NHP2: variants seen among roughly 807,000 people sequenced by gnomAD.
NHP2 encodes the protein H/ACA ribonucleoprotein complex subunit 2.
NHP2 carries 10 observed loss-of-function variants against 16.7 expected under a neutral mutation model. The observed-to-expected ratio is 0.60, with a 90% CI of 0.37 to 1.01. The LOEUF is 1.01. Among genes scored for constraint, NHP2 ranks in the 50% least tolerant of loss-of-function variants. NHP2 has a pLI of 0.01. For synonymous variants in NHP2, 87 were observed against 78.9 expected (o/e 1.10, Z -0.54); for missense variants, 184 against 198.3 (o/e 0.93, Z 0.43).
intron 3 of NHP2, 137 bp downstream of exon 3, chr5:178,150,751 G>A: frequency 2.6e-6 from 2 of 777,660 alleles, no homozygotes; most frequent in South Asian, 2.7e-5. Flanking sequence ...CCAAAACTAA[G>A]AAGATGTGGA....
Position 178,153,560 on chromosome 5 carries a change from G to T in NHP2, c.161C>A (p.Ala54Glu). 1.2e-6 allele frequency: 2 copies of T among 1,614,124 alleles called. No homozygotes were observed. The highest frequency in any genetic ancestry group is 1.7e-6 in the Non-Finnish European group (2 of 1,180,006). Residue 54 changes from alanine (A) to glutamate (E), a missense_variant and splice_region_variant, in exon 2 of 4, where the codon GCG (alanine) becomes GAG (glutamate). Physicochemically the swap from Ala to Glu is moderately radical, Grantham distance 107. Transcript: ENST00000274606. ...TRKLYKCIKKAVKQKQIRRGV... is the reference protein window; with the variant it reads ...TRKLYKCIKKEVKQKQIRRGV... The stretch of plus-strand genomic sequence containing the variant: ...GCGCCGAATCTGCTTCTGCTTCACC[G>T]CTGCAACGACAGAAGAGTCGGTCGG...
chr5:178,153,793 C>T lies in NHP2; in HGVS notation c.25G>A (p.Asp9Asn), dbSNP rs769331750. ...GCCTCCGCCTGAGCCTCGGGCCCGT[C>T]GGGATCTGCCTTTATTTTGGTCATC... MTKIKADP[D>N]GPEAQAEACS... Residue 9 changes from aspartate to asparagine, a missense_variant, in exon 1 of 4, where the codon GAC (aspartate) becomes AAC (asparagine). Physicochemically the swap from Asp to Asn is conservative, Grantham distance 23 (BLOSUM62 1). Transcript: ENST00000274606. 7.4e-6 allele frequency: 12 copies of T among 1,611,322 alleles called. No individual in the cohort carries two copies. Among genetic ancestry groups the T allele is most frequent in the Non-Finnish European group, 1.0e-5 (12 of 1,178,920 alleles).
At position 178,153,491 on chromosome 5, in the gene NHP2, C is replaced by T. The variant is rs1316345803; in HGVS notation, c.230G>A (p.Gly77Glu). ...VQKFVNKGEK[G>E]IMVLAGDTLP... ...AATCCAGAGGAAGGAAGGTTCTTACCCTTTTTCTCCTTTGTTGACAAATTT... is the reference window on the plus strand; with the variant it reads ...AATCCAGAGGAAGGAAGGTTCTTACTCTTTTTCTCCTTTGTTGACAAATTT... Residue 77 changes from glycine to glutamate, a missense_variant and splice_region_variant, in exon 2 of 4, where the codon GGG becomes GAG. Coordinates refer to ENST00000274606, the MANE Select transcript of NHP2 (RefSeq NM_017838.4). The T allele has an allele frequency of 1.2e-6, 2 of 1,614,096 alleles. No homozygotes were observed. Among genetic ancestry groups the T allele is most frequent in the South Asian group, 2.2e-5 (2 of 91,070 alleles).
At chr5:178,151,101 G>T in intron 2 of NHP2, 108 bp from the exon 3 acceptor site, 1 of 911,212 alleles carries the variant, frequency 1.1e-6, no homozygotes, top group Non-Finnish European at 1.8e-6. Context: ...TGTGTTTGGT[G>T]AGCACACTAT....
chr5:178,150,751 G>C (rs910343867), intron 3 of NHP2, 137 bp downstream of exon 3: 1 of 777,660 alleles, frequency 1.3e-6, no homozygotes, highest in Non-Finnish European at 2.4e-6. Context: ...CCAAAACTAA[G>C]AAGATGTGGA....
In NHP2 at chr5:178,153,652, C is replaced by A. The variant is rs529634242; in HGVS notation, c.160+6G>T. ...CCCATCCCGGCCACGCCGCCGTCCG[C>A]CTCACCTTTCTTGATGCATTTGTAG... On this transcript the variant is annotated splice_donor_region_variant and intron_variant, in intron 1 of 3. Coordinates refer to ENST00000274606, the MANE Select transcript of NHP2 (RefSeq NM_017838.4). The A allele has an allele frequency of 5.6e-6, 9 of 1,613,434 alleles. No individual in the cohort carries two copies. The highest frequency in any genetic ancestry group is 1.7e-5 in the Admixed American group (1 of 59,950).
In NHP2 at chr5:178,150,327, TC is replaced by T. The variant is rs367803012; in HGVS notation, c.337-490del. The T allele has an allele frequency of 6.7e-4, 158 of 235,030 alleles. No individual in the cohort carries two copies. In the East Asian group the frequency reaches 0.012, roughly 17 times the overall value. The allele number at this position is 235,030 out of a possible 1,614,324, so 14.6% of individuals were successfully genotyped here. A position where few individuals can be genotyped will look rare whatever the true frequency, so the allele number is the denominator to read the frequency against. ...CGGTAAGTTCCTTCAGAACAGGGCC[TC>T]CTGCTTTATCCCAAGAAGTGATACT... On this transcript the variant is annotated intron_variant, in intron 3 of 3. Transcript: ENST00000274606.
chr5:178,150,625 C>T (rs1230309258), intron 3 of NHP2: 1 of 634,502 alleles, frequency 1.6e-6, no homozygotes. Context: ...TCAACTGATC[C>T]TCCTGTCTTG....
In NHP2 at chr5:178,153,646, C is replaced by CGTCCGCCTCACCTTT; in HGVS notation, c.157_160+11dup. 1 of 1,613,826 alleles carries CGTCCGCCTCACCTTT rather than the reference C, an allele frequency of 6.2e-7. No individual in the cohort carries two copies. The highest frequency in any genetic ancestry group is 8.5e-7 in the Non-Finnish European group (1 of 1,179,812). On this transcript the variant is annotated intron_variant, in intron 1 of 3. Transcript: ENST00000274606. ...CGCGCACCCATCCCGGCCACGCCGC[C>CGTCCGCCTCACCTTT]GTCCGCCTCACCTTTCTTGATGCAT...
intron 2 of NHP2, among the ~76,000 whole-genome samples, chr5:178,151,328 G>A (rs374446741): frequency 1.8e-4 from 28 of 152,162 alleles, no homozygotes; most frequent in African/African-American, 6.3e-4. Flanking sequence ...GGGAGAGCAT[G>A]TGGTGTGAGA....
Position 178,150,898 on chromosome 5 carries a change from G to A in NHP2, c.326C>T (p.Pro109Leu), listed in dbSNP as rs771358605. Reference sequence around the variant, plus strand: ...CCACGTGCTCCTTACCGTCTTAGAGGGGATATAGACATAGGGCAAATTTCG... The same window carrying A: ...CCACGTGCTCCTTACCGTCTTAGAGAGGATATAGACATAGGGCAAATTTCG... ...EDRNLPYVYIPSKTDLGAAAG... is the reference protein window; with the variant it reads ...EDRNLPYVYILSKTDLGAAAG... The change falls in exon 3 of 4, where the codon CCC (proline) becomes CTC (leucine). Residue 109 changes from proline (P) to leucine (L), a missense_variant. Pro to Leu is a moderately conservative substitution (Grantham distance 98). Transcript: ENST00000274606. 1 of 1,611,118 alleles carries A rather than the reference G, an allele frequency of 6.2e-7. No homozygotes were observed. The highest frequency in any genetic ancestry group is 8.5e-7 in the Non-Finnish European group (1 of 1,177,282).
chr5:178,152,136 T>C (rs1756293251), intron 2 of NHP2, among the ~76,000 whole-genome samples: 1 of 152,160 alleles, frequency 6.6e-6, no homozygotes, highest in African/African-American at 2.4e-5. Context: ...ACCTGAACTT[T>C]CCCAAACCTA....
chr5:178,151,407 A>T (rs1206217534), intron 2 of NHP2, among the ~76,000 whole-genome samples: 2 of 152,174 alleles, frequency 1.3e-5, no homozygotes, highest in Admixed American at 1.3e-4. Flanking sequence ...GTACCAGGCT[A>T]AGAAGCATGG....
rs754622292 is a variant in NHP2 at position 178,153,479 on chromosome 5, G to A, written c.230+12C>T. On this transcript the variant is annotated intron_variant, in intron 2 of 3. Coordinates refer to ENST00000274606, the MANE Select transcript of NHP2 (RefSeq NM_017838.4). ...TTAGAAATGCAAAATCCAGAGGAAG[G>A]AAGGTTCTTACCCTTTTTCTCCTTT... The A allele has an allele frequency of 1.6e-5, 26 of 1,613,806 alleles. No homozygotes were observed. Among genetic ancestry groups the A allele is most frequent in the South Asian group, 2.2e-5 (2 of 91,062 alleles).
chr5:178,153,278 A>G (rs1756319915), intron 2 of NHP2: 2 of 642,174 alleles, frequency 3.1e-6, no homozygotes, highest in South Asian at 1.8e-5. Flanking sequence ...TGCTTACACA[A>G]TTCGCTTCAC....
intron 2 of NHP2, among the ~76,000 whole-genome samples, chr5:178,151,543 T>C (rs1756277534): frequency 6.6e-6 from 1 of 152,160 alleles, no homozygotes; most frequent in South Asian, 2.1e-4. Context: ...GAAGGAAAAG[T>C]CTGCTCTCCC....
Position 178,150,904 on chromosome 5 carries a change from T to TA in NHP2, c.319dup (p.Tyr107LeufsTer5), listed in dbSNP as rs1299133481. The TA allele has an allele frequency of 3.1e-6, 5 of 1,613,254 alleles. No homozygotes were observed. The Admixed American group carries it at 6.7e-5, about 22-fold the overall frequency. On this transcript the variant is annotated frameshift_variant, in exon 3 of 4. Transcript: ENST00000274606. LOFTEE classifies it high-confidence loss of function. The stretch of plus-strand genomic sequence containing the variant: ...GCTCCTTACCGTCTTAGAGGGGATA[T>TA]AGACATAGGGCAAATTTCGGTCCTC...
At position 178,149,863 on chromosome 5, in the gene NHP2, T is replaced by C. The variant is rs547248309; in HGVS notation, c.337-25A>G. 6 of 1,611,612 alleles carry C rather than the reference T, an allele frequency of 3.7e-6. No individual in the cohort carries two copies. In the East Asian group the frequency reaches 1.1e-4, roughly 30 times the overall value. ...CCTACAGAGGGGAAAGAAGTGCTGTTTGGAAAAAAGCTGTACAACCTGTAT... is the reference window on the plus strand; with the variant it reads ...CCTACAGAGGGGAAAGAAGTGCTGTCTGGAAAAAAGCTGTACAACCTGTAT... On this transcript the variant is annotated intron_variant, in intron 3 of 3. Transcript: ENST00000274606.
rs1383213989 is a variant in NHP2, at chr5:178,149,810, C to T, written c.365G>A (p.Arg122His). The change falls in exon 4 of 4, where the codon CGC becomes CAC. Residue 122 changes from arginine to histidine, a missense_variant. By Grantham distance (29) the Arg-to-His change is conservative. Transcript: ENST00000274606. ...CTTGACCATTATCACACAGGTGGGG[C>T]GCTTGGAGCCTGCGGCTGCACCCAG... ...TDLGAAAGSK[R>H]PTCVIMVKPH... is the part of the protein sequence containing the mutation. The T allele has an allele frequency of 5.0e-6, 8 of 1,613,786 alleles. No individual in the cohort carries two copies. The highest frequency in any genetic ancestry group is 1.7e-5 in the Admixed American group (1 of 59,974).
Sources: allele counts gnomAD v4.1 joint callset (sites outside exome capture counted in the v4.1 genomes callset), GRCh38; gene constraint gnomAD v4.1.1; transcripts MANE v1.5; gene names NCBI Gene and HGNC (gene_info 2026-07-23, HGNC 2026-07-21).